Variants in ACYP2 observed in about 807,000 individuals in gnomAD.
The protein encoded by ACYP2 is acylphosphatase-2.
In ACYP2, 12 loss-of-function variants were observed where a neutral mutation model predicts 11.2. The observed-to-expected ratio is 1.08, with a 90% confidence interval of 0.69 to 1.74. The LOEUF is 1.74. Ranked by LOEUF, ACYP2 falls within the 40% of genes most tolerant of loss-of-function variation. The probability of loss-of-function intolerance (pLI) is 0.00; values close to 1 mark genes in which losing one functional copy is unlikely to be tolerated. For synonymous variants in ACYP2, 43 were observed against 32.2 expected (o/e 1.33, Z -1.13); for missense variants, 134 against 101.9 (o/e 1.31, Z -1.35).
intron 2 of ACYP2, among the ~76,000 whole-genome samples, chr2:54,011,053 CATT>C (rs892708225): frequency 2.0e-5 from 3 of 152,016 alleles, no homozygotes; most frequent in African/African-American, 4.8e-5. Flanking sequence ...AGACACGTCA[CATT>C]ATTAATAATC....
At chr2:54,096,205 C>G (rs865973223) in intron 4 of ACYP2, among the ~76,000 whole-genome samples, 18 of 144,572 alleles carry the variant, frequency 1.2e-4, no homozygotes, top group African/African-American at 4.6e-4. Flanking sequence ...ACGGGGCGGC[C>G]GGGCAGAGAC....
chr2:54,128,192 C>G (rs987626129), intron 4 of ACYP2, among the ~76,000 whole-genome samples: 9 of 152,194 alleles, frequency 5.9e-5, no homozygotes, highest in Admixed American at 3.9e-4. Flanking sequence ...ATTAGCCAAA[C>G]TGAAGCATGC....
intron 6 of ACYP2, among the ~76,000 whole-genome samples, chr2:54,206,332 G>A (rs766765411): frequency 6.6e-6 from 1 of 152,180 alleles, no homozygotes; most frequent in Non-Finnish European, 1.5e-5. Flanking sequence ...TTGTAATTTA[G>A]ATCTGTTATT....
chr2:54,166,280 C>A (rs114533529), intron 6 of ACYP2, among the ~76,000 whole-genome samples: 336 of 152,238 alleles, frequency 2.2e-3, no homozygotes, highest in African/African-American at 7.8e-3. Context: ...ATTCATTCCA[C>A]AAATATTATA....
At chr2:54,165,525 T>TCA (rs1466687579) in intron 6 of ACYP2, among the ~76,000 whole-genome samples, 167 of 135,390 alleles carry the variant, frequency 1.2e-3, no homozygotes, top group African/African-American at 5.3e-3. Context: ...ACTCTCTCTC[T>TCA]CTCTCTCTCT....
chr2:54,239,474 T>TA (rs1478966351), intron 6 of ACYP2, among the ~76,000 whole-genome samples: 1 of 152,210 alleles, frequency 6.6e-6, no homozygotes, highest in African/African-American at 2.4e-5. Flanking sequence ...ATGAAGCTAA[T>TA]AATCTCAAGA....
intron 2 of ACYP2, among the ~76,000 whole-genome samples, chr2:54,016,453 A>G (rs768640979): frequency 1.3e-5 from 2 of 151,948 alleles, no homozygotes; most frequent in Non-Finnish European, 2.9e-5. Context: ...AGAAACTGGA[A>G]GCAATGTGCT....
chr2:54,229,192 C>G (rs1686131319), intron 6 of ACYP2, among the ~76,000 whole-genome samples: 1 of 152,160 alleles, frequency 6.6e-6, no homozygotes, highest in South Asian at 2.1e-4. Context: ...TGTGGCAGCT[C>G]CCGCTTCTGT....
chr2:54,221,211 G>A (rs1225247387), intron 6 of ACYP2, among the ~76,000 whole-genome samples: 4 of 152,140 alleles, frequency 2.6e-5, no homozygotes, highest in Non-Finnish European at 5.9e-5. Context: ...ACCCAGCCTA[G>A]ATCAGTCAAA....
chr2:54,205,432 A>G (rs1216346215), intron 6 of ACYP2, among the ~76,000 whole-genome samples: 2 of 152,064 alleles, frequency 1.3e-5, no homozygotes, highest in African/African-American at 2.4e-5. Context: ...TTCTCACAAA[A>G]CCTTTGCATA....
intron 4 of ACYP2, among the ~76,000 whole-genome samples, chr2:54,124,317 C>A (rs1051277330): frequency 2.0e-5 from 3 of 152,128 alleles, no homozygotes; most frequent in Admixed American, 2.0e-4. Flanking sequence ...GCCTCAGCCT[C>A]CTGTGTAGCT....
intron 4 of ACYP2, among the ~76,000 whole-genome samples, chr2:54,094,807 G>A (rs1678430243): frequency 6.6e-6 from 1 of 152,002 alleles, no homozygotes; most frequent in African/African-American, 2.4e-5. Context: ...CAAAATGCTG[G>A]GATTACAGGT....
intron 6 of ACYP2, among the ~76,000 whole-genome samples, chr2:54,258,862 A>T (rs1371646058): frequency 6.6e-6 from 1 of 152,242 alleles, no homozygotes; most frequent in Non-Finnish European, 1.5e-5. Context: ...CTGGATGCTG[A>T]GAAGTCCAAT....
At chr2:54,010,595 C>A (rs1367120074) in intron 2 of ACYP2, among the ~76,000 whole-genome samples, 1 of 151,960 alleles carries the variant, frequency 6.6e-6, no homozygotes, top group Non-Finnish European at 1.5e-5. Flanking sequence ...ACCATGTCCC[C>A]ATAAAAATTT....
At chr2:54,222,383 C>G (rs1685834247) in intron 6 of ACYP2, among the ~76,000 whole-genome samples, 1 of 151,900 alleles carries the variant, frequency 6.6e-6, no homozygotes, top group Non-Finnish European at 1.5e-5. Context: ...AACCCCGTCT[C>G]TACTAAAAAT....
At chr2:54,013,275 G>GTGTA (rs1558471393) in intron 2 of ACYP2, among the ~76,000 whole-genome samples, 1 of 133,184 alleles carries the variant, frequency 7.5e-6, no homozygotes. Context: ...GTGTGTGTGT[G>GTGTA]TGTGTGTGTG....
intron 6 of ACYP2, among the ~76,000 whole-genome samples, chr2:54,272,853 A>G (rs1471190301): frequency 6.6e-6 from 1 of 152,258 alleles, no homozygotes; most frequent in Non-Finnish European, 1.5e-5. Flanking sequence ...GAGACTTTCA[A>G]TGATAGAATA....
chr2:54,259,541 C>T (rs921232575), intron 6 of ACYP2, among the ~76,000 whole-genome samples: 2 of 152,184 alleles, frequency 1.3e-5, no homozygotes, highest in Admixed American at 6.5e-5. Context: ...GGAAGGTGTT[C>T]AGCTGTGTCA....
At chr2:54,204,275 G>A (rs1358304772) in intron 6 of ACYP2, among the ~76,000 whole-genome samples, 1 of 151,624 alleles carries the variant, frequency 6.6e-6, no homozygotes. Context: ...TTACTGGCAT[G>A]AGCCACTGCG....
Sources: allele counts gnomAD v4.1 joint callset (sites outside exome capture counted in the v4.1 genomes callset), GRCh38; gene constraint gnomAD v4.1.1; transcripts MANE v1.5; gene names NCBI Gene and HGNC (gene_info 2026-07-23, HGNC 2026-07-21).